The following PCDHGB2 variants were observed in gnomAD, a reference collection of about 807,000 sequenced individuals.
PCDHGB2 encodes the protein protocadherin gamma-B2.
A neutral mutation model predicts 59.3 loss-of-function variants in PCDHGB2; 55 were observed. The observed-to-expected ratio is 0.93, with a 90% CI of 0.75 to 1.16. The LOEUF is 1.16. Ranked by LOEUF, PCDHGB2 falls within the 50% of genes most tolerant of loss-of-function variation. The pLI is 0.00. For missense variants in PCDHGB2, 1,228 were observed against 1,198.5 expected (o/e 1.02, Z -0.36); for synonymous variants, 516 against 512.0 (o/e 1.01, Z -0.11).
chr5:141,371,279 C>G lies in PCDHGB2; in HGVS notation c.2421+8723C>G, dbSNP rs1206885550. ...AAGTGAGACAACTGTTCAAGCTGGA[C>G]AGTAAAACGGGGGAACTCACCACTA... On this transcript the variant is annotated intron_variant, in intron 1 of 3. Transcript: ENST00000522605. 3 of 1,613,900 alleles carry G rather than the reference C, an allele frequency of 1.9e-6. No homozygotes were observed. In the African/African-American group the frequency reaches 4.0e-5, roughly 22 times the overall value.
intron 1 of PCDHGB2, among the ~76,000 whole-genome samples, chr5:141,445,620 C>T (rs561235315): frequency 2.0e-5 from 3 of 151,966 alleles, no homozygotes; most frequent in African/African-American, 4.8e-5. Context: ...TTCTTTTTTT[C>T]GGAAAGTGAT....
chr5:141,472,164 G>C (rs2099273083), intron 1 of PCDHGB2, among the ~76,000 whole-genome samples: 1 of 152,158 alleles, frequency 6.6e-6, no homozygotes, highest in Non-Finnish European at 1.5e-5. Flanking sequence ...TAGCTACTAG[G>C]TGTAATATCC....
Position 141,489,091 on chromosome 5 carries a change from T to A in PCDHGB2, c.2422-5716T>A. 1.9e-4 allele frequency: 63 copies of A among 332,802 alleles called. No individual in the cohort carries two copies. Among genetic ancestry groups the A allele is most frequent in the East Asian group, 2.9e-4 (6 of 20,542 alleles). The allele number at this position is 332,802 out of a possible 1,614,324, so 20.6% of individuals were successfully genotyped here. A position where few individuals can be genotyped will look rare whatever the true frequency, so the allele number is the denominator to read the frequency against. ...CTGCCCACCCCCGCCACTCGGTGAC[T>A]AAGAACTGCTGCAAGCAGGCAAACC... On this transcript the variant is annotated intron_variant, in intron 1 of 3. Transcript: ENST00000522605. This position sits in a 1 kb window ranked among gnomAD's most constrained non-coding sequence, Gnocchi z 4.5.
intron 1 of PCDHGB2, chr5:141,427,831 G>A (rs2097077070): frequency 6.5e-7 from 1 of 1,539,366 alleles, no homozygotes; most frequent in East Asian, 2.2e-5. Context: ...GTCGCGCAGC[G>A]TGCCTTCGAC....
rs780836649 is a variant in PCDHGB2 at position 141,414,681 on chromosome 5, G to C, written c.2421+52125G>C. 38 of 1,613,836 alleles carry C rather than the reference G, an allele frequency of 2.4e-5. 1 individual carries two copies. The East Asian group carries it at 8.5e-4, about 36-fold the overall frequency. ...CCCTGGCTGAAGACACCATCCAGGG[G>C]GTACCTCTGTCCTCATACATATCCA... On this transcript the variant is annotated intron_variant, in intron 1 of 3. Coordinates refer to ENST00000522605, the MANE Select transcript of PCDHGB2 (RefSeq NM_018923.3).
intron 1 of PCDHGB2, chr5:141,375,132 C>T (rs1771158869): frequency 6.2e-7 from 1 of 1,613,952 alleles, no homozygotes; most frequent in Non-Finnish European, 8.5e-7. Flanking sequence ...GTGGTTGTTA[C>T]ATCTGGAAGC....
chr5:141,381,016 C>G (rs961179270), intron 1 of PCDHGB2, among the ~76,000 whole-genome samples: 1 of 152,210 alleles, frequency 6.6e-6, no homozygotes, highest in African/African-American at 2.4e-5. Flanking sequence ...TATAATACCT[C>G]TATTAGTTCC....
At chr5:141,467,373 T>C (rs2099143070) in intron 1 of PCDHGB2, among the ~76,000 whole-genome samples, 1 of 152,064 alleles carries the variant, frequency 6.6e-6, no homozygotes, top group Non-Finnish European at 1.5e-5. Context: ...TTTCTTATAT[T>C]GCATTTAGGT....
chr5:141,370,278 A>G, intron 1 of PCDHGB2: 2 of 888,588 alleles, frequency 2.3e-6, no homozygotes, highest in Non-Finnish European at 3.4e-6. Flanking sequence ...GGAGACACCC[A>G]TTAGAGAACC....
chr5:141,440,997 A>G (rs1191545127), intron 1 of PCDHGB2: 1 of 152,178 alleles, frequency 6.6e-6, no homozygotes, highest in East Asian at 1.9e-4. Context: ...ACCCATATCT[A>G]GTTTGGCCTT....
intron 1 of PCDHGB2, chr5:141,372,371 G>A: frequency 6.2e-7 from 1 of 1,613,974 alleles, no homozygotes; most frequent in Non-Finnish European, 8.5e-7. Flanking sequence ...CCACCGTCAT[G>A]CTGCACCTAA....
intron 1 of PCDHGB2, chr5:141,430,546 G>A (rs1323295073): frequency 2.5e-6 from 1 of 402,156 alleles, no homozygotes; most frequent in Non-Finnish European, 4.4e-6. Context: ...GAGCGCCGCT[G>A]TTCACCAATC....
At position 141,477,706 on chromosome 5, in the gene PCDHGB2, G is replaced by A. The variant is rs1490514142; in HGVS notation, c.2422-17101G>A. 6 of 1,613,988 alleles carry A rather than the reference G, an allele frequency of 3.7e-6. No homozygotes were observed. Among genetic ancestry groups the A allele is most frequent in the Non-Finnish European group, 5.1e-6 (6 of 1,180,044 alleles). ...TAGTGCCCCTAGACTATGAGGATCGGCGGGAATTTGAATTAACAGCTCATA... is the reference window on the plus strand; with the variant it reads ...TAGTGCCCCTAGACTATGAGGATCGACGGGAATTTGAATTAACAGCTCATA... On this transcript the variant is annotated intron_variant, in intron 1 of 3. Transcript: ENST00000522605. This position sits in a 1 kb window ranked among gnomAD's most constrained non-coding sequence, Gnocchi z 4.9.
chr5:141,389,645 C>A, intron 1 of PCDHGB2: 1 of 1,612,912 alleles, frequency 6.2e-7, no homozygotes, highest in Non-Finnish European at 8.5e-7. Context: ...ACTTGGTGAC[C>A]AAGGTAGTGG....
chr5:141,487,709 A>G lies in PCDHGB2; in HGVS notation c.2422-7098A>G. On this transcript the variant is annotated intron_variant, in intron 1 of 3. Coordinates refer to ENST00000522605, the MANE Select transcript of PCDHGB2 (RefSeq NM_018923.3). This position sits in a 1 kb window ranked among gnomAD's most constrained non-coding sequence, Gnocchi z 5.0. ...CCTAGAGAGTACTGGCCTCTCAGTA[A>G]GTGCCCATAGTGATGTCACCATTTT... is the stretch of plus-strand genomic sequence containing the variant. 6.3e-7 allele frequency: 1 copy of G among 1,586,184 alleles called. No individual in the cohort carries two copies. Among genetic ancestry groups the G allele is most frequent in the South Asian group, 1.1e-5 (1 of 87,958 alleles).
intron 1 of PCDHGB2, among the ~76,000 whole-genome samples, chr5:141,438,623 TATATATATATATACACACAC>T (rs1272037524): frequency 7.0e-5 from 3 of 42,840 alleles, no homozygotes; most frequent in African/African-American, 1.6e-4. Flanking sequence ...TATATATATA[TATATATATATATACACACAC>T]ACACACACAT....
Position 141,487,229 on chromosome 5 carries a change from G to A in PCDHGB2, c.2422-7578G>A. On this transcript the variant is annotated intron_variant, in intron 1 of 3. Coordinates refer to ENST00000522605, the MANE Select transcript of PCDHGB2 (RefSeq NM_018923.3). The surrounding 1 kb of genome is among the most constrained non-coding windows in gnomAD (Gnocchi z 5.0). ...AGAATCTTCAGCTCCAAGGGAAGGA[G>A]AATCTCGTCTAACCCTCTACTTGGC... is the stretch of plus-strand genomic sequence containing the variant. The A allele has an allele frequency of 6.2e-7, 1 of 1,614,138 alleles. No individual in the cohort carries two copies. The highest frequency in any genetic ancestry group is 8.5e-7 in the Non-Finnish European group (1 of 1,179,994).
chr5:141,419,378 G>C (rs777509820), intron 1 of PCDHGB2: 3 of 1,613,712 alleles, frequency 1.9e-6, no homozygotes, highest in Admixed American at 3.3e-5. Context: ...CTACGTGTCC[G>C]TGAGCGCGCA....
At chr5:141,409,402 C>G (rs2095262140) in intron 1 of PCDHGB2, 2 of 1,613,924 alleles carry the variant, frequency 1.2e-6, no homozygotes, top group Non-Finnish European at 8.5e-7. Context: ...CTTCCAATAA[C>G]TACTACAAAC....
Sources: gnomAD v4.1 joint callset for allele counts (sites outside exome capture counted in the v4.1 genomes callset) on GRCh38, gnomAD v4.1.1 for gene constraint, Gnocchi (gnomAD v3.1) non-coding constraint, MANE v1.5 for transcripts, NCBI Gene and HGNC (gene_info 2026-07-23, HGNC 2026-07-21) for gene names.